POFUT3: variants seen among roughly 807,000 people sequenced by gnomAD.
POFUT3 encodes the protein protein O-fucosyltransferase 3, also known as GDP-fucose protein O-fucosyltransferase 3.
chr8:33,331,310 G>A, the POFUT3 span, among the ~76,000 whole-genome samples: 1 of 151,594 alleles, frequency 6.6e-6, no homozygotes, highest in African/African-American at 2.4e-5. Context: ...CTCCAGCTTG[G>A]GCAACAAGTG....
the POFUT3 span, among the ~76,000 whole-genome samples, chr8:33,339,168 G>A: frequency 6.6e-6 from 1 of 152,078 alleles, no homozygotes; most frequent in Admixed American, 6.6e-5. Flanking sequence ...ATACAAACAT[G>A]CTTGAAATAA....
the POFUT3 span, among the ~76,000 whole-genome samples, chr8:33,352,621 C>CAT: frequency 6.6e-6 from 1 of 151,998 alleles, no homozygotes; most frequent in African/African-American, 2.4e-5. Context: ...GAACCAGAGA[C>CAT]ATCTAGGGGA....
At chr8:33,340,056 T>G in the POFUT3 span, among the ~76,000 whole-genome samples, 1 of 152,146 alleles carries the variant, frequency 6.6e-6, no homozygotes, top group Non-Finnish European at 1.5e-5. Flanking sequence ...TCTAAATGTA[T>G]GTTGAGGAAA....
the POFUT3 span, among the ~76,000 whole-genome samples, chr8:33,399,601 T>C: frequency 6.6e-6 from 1 of 152,114 alleles, no homozygotes; most frequent in Admixed American, 6.6e-5. Flanking sequence ...TATTCAGAGA[T>C]CTGATGATAA....
chr8:33,340,723 A>C, the POFUT3 span, among the ~76,000 whole-genome samples: 6 of 152,274 alleles, frequency 3.9e-5, no homozygotes, highest in South Asian at 1.2e-3. Context: ...AAAAAAAAGT[A>C]GTCCACCAAA....
At chr8:33,467,512 C>T in the POFUT3 span, among the ~76,000 whole-genome samples, 1 of 152,084 alleles carries the variant, frequency 6.6e-6, no homozygotes, top group Non-Finnish European at 1.5e-5. Context: ...TATATTCAGA[C>T]ATCCACGGCA....
chr8:33,327,692 C>T, the POFUT3 span, among the ~76,000 whole-genome samples: 2 of 152,142 alleles, frequency 1.3e-5, no homozygotes, highest in Non-Finnish European at 2.9e-5. Context: ...GATGACTGGC[C>T]TTTGGAGGAA....
At chr8:33,331,842 A>T in the POFUT3 span, among the ~76,000 whole-genome samples, 1 of 150,562 alleles carries the variant, frequency 6.6e-6, no homozygotes, top group South Asian at 2.1e-4. Context: ...CGCCCGGCTA[A>T]TTTTTTTTGT....
chr8:33,384,575 T>C, the POFUT3 span, among the ~76,000 whole-genome samples: 10 of 152,056 alleles, frequency 6.6e-5, no homozygotes, highest in African/African-American at 2.4e-4. Context: ...ATCCCAGCAC[T>C]ATGGGAGGCC....
At chr8:33,409,133 G>A in the POFUT3 span, among the ~76,000 whole-genome samples, 1 of 152,010 alleles carries the variant, frequency 6.6e-6, no homozygotes, top group Admixed American at 6.6e-5. Flanking sequence ...ACAGAGTTTT[G>A]CTTTTATTGC....
At chr8:33,437,643 T>C in the POFUT3 span, among the ~76,000 whole-genome samples, 3 of 152,052 alleles carry the variant, frequency 2.0e-5, no homozygotes, top group Non-Finnish European at 2.9e-5. Context: ...AAACTCTGTC[T>C]CTATTAAAAA....
the POFUT3 span, chr8:33,394,162 G>A: frequency 2.4e-4 from 51 of 209,088 alleles, no homozygotes; most frequent in Admixed American, 2.1e-3. Context: ...TCCAGCCTGG[G>A]TGACAGAGTG....
chr8:33,457,489 C>T, the POFUT3 span, among the ~76,000 whole-genome samples: 1 of 151,656 alleles, frequency 6.6e-6, no homozygotes, highest in Non-Finnish European at 1.5e-5. Context: ...GAGGAAGACT[C>T]CATCTCAAAA....
At chr8:33,471,635 T>C in the POFUT3 span, among the ~76,000 whole-genome samples, 1 of 152,232 alleles carries the variant, frequency 6.6e-6, no homozygotes, top group Admixed American at 6.5e-5. Context: ...ATAAATAACA[T>C]TGTTTTTCCA....
chr8:33,342,830 G>T, the POFUT3 span, among the ~76,000 whole-genome samples: 431 of 152,268 alleles, frequency 2.8e-3, 2 homozygotes, highest in African/African-American at 9.8e-3. Context: ...AACTGGCCAG[G>T]CACAGTGGCT....
At chr8:33,357,812 G>A in the POFUT3 span, among the ~76,000 whole-genome samples, 1 of 152,040 alleles carries the variant, frequency 6.6e-6, no homozygotes, top group Admixed American at 6.6e-5. Flanking sequence ...TACGCAGCTG[G>A]TCTCCTCTCC....
At chr8:33,335,151 ATGTGTGTGTGTGTGTG>A in the POFUT3 span, among the ~76,000 whole-genome samples, 165 of 145,876 alleles carry the variant, frequency 1.1e-3, no homozygotes, top group African/African-American at 3.9e-3. Context: ...AAAGAAATAT[ATGTGTGTGTGTGTGTG>A]TGTGTGTGTG....
the POFUT3 span, among the ~76,000 whole-genome samples, chr8:33,379,486 T>A: frequency 6.6e-6 from 1 of 151,844 alleles, no homozygotes; most frequent in South Asian, 2.1e-4. Flanking sequence ...GACTCACAAA[T>A]GACTCAGATG....
the POFUT3 span, among the ~76,000 whole-genome samples, chr8:33,349,695 TA>T: frequency 2.0e-5 from 3 of 152,214 alleles, no homozygotes; most frequent in African/African-American, 7.2e-5. Flanking sequence ...GATGGGCATT[TA>T]GGCTAGTTCC....
Sources: allele counts gnomAD v4.1 joint callset (sites outside exome capture counted in the v4.1 genomes callset), GRCh38; gene constraint gnomAD v4.1.1; transcripts MANE v1.5; gene names NCBI Gene and HGNC (gene_info 2026-07-23, HGNC 2026-07-21).